Variants in RUNDC3B observed in about 807,000 individuals in gnomAD.
The protein encoded by RUNDC3B is RUN domain containing 3B, also known as RUN domain-containing protein 3B.
In RUNDC3B, 33 loss-of-function variants were observed where a neutral mutation model predicts 58.4. The observed-to-expected ratio is 0.56, with a 90% confidence interval of 0.43 to 0.75. The LOEUF is 0.75. Among genes scored for constraint, RUNDC3B ranks in the 30% least tolerant of loss-of-function variants. The probability of loss-of-function intolerance (pLI) is 0.00; values close to 1 mark genes in which losing one functional copy is unlikely to be tolerated. For synonymous variants in RUNDC3B, 193 were observed against 195.2 expected (o/e 0.99, Z 0.10); for missense variants, 501 against 535.7 (o/e 0.94, Z 0.64).
intron 10 of RUNDC3B, among the ~76,000 whole-genome samples, chr7:87,821,144 T>C (rs1283962879): frequency 3.3e-5 from 5 of 151,686 alleles, no homozygotes; most frequent in East Asian, 3.9e-4. Flanking sequence ...GAAAACCCCA[T>C]TGTCTCAGCC....
intron 8 of RUNDC3B, among the ~76,000 whole-genome samples, chr7:87,796,984 A>G (rs538549255): frequency 4.8e-4 from 73 of 152,210 alleles, no homozygotes; most frequent in Non-Finnish European, 9.6e-4. Context: ...ATTAGTCTAA[A>G]AGCTAATTTG....
At position 87,734,662 on chromosome 7, in the gene RUNDC3B, T is replaced by C. The variant is rs149622112; in HGVS notation, c.459-5129T>C. Among the ~76,000 whole-genome samples, 757 of 152,332 alleles carry C rather than the reference T, an allele frequency of 5.0e-3. 7 individuals carry two copies. The highest frequency in any genetic ancestry group is 0.017 in the African/African-American group (725 of 41,582). The stretch of plus-strand genomic sequence containing the variant: ...TCACACTGTCATCATTTTCTTACTT[T>C]AGAGTCACTCTCTTACCCACTCTTG... On this transcript the variant is annotated intron_variant, in intron 4 of 10. Coordinates refer to ENST00000394654, the MANE Select transcript of RUNDC3B (RefSeq NM_001134405.2).
chr7:87,726,264 G>C (rs369151635), intron 4 of RUNDC3B, among the ~76,000 whole-genome samples: 1 of 151,964 alleles, frequency 6.6e-6, no homozygotes, highest in Non-Finnish European at 1.5e-5. Flanking sequence ...GAATTAATTT[G>C]TGTATAAGGT....
chr7:87,705,211 G>T (rs1031254224), intron 3 of RUNDC3B, among the ~76,000 whole-genome samples: 5 of 152,084 alleles, frequency 3.3e-5, no homozygotes, highest in African/African-American at 1.2e-4. Flanking sequence ...GATCACCTGA[G>T]GTCAGCAGTT....
chr7:87,711,640 A>G (rs1319307015), intron 4 of RUNDC3B, among the ~76,000 whole-genome samples: 3 of 152,176 alleles, frequency 2.0e-5, no homozygotes, highest in African/African-American at 7.2e-5. Flanking sequence ...TAAACTGTTT[A>G]ATGTAGCCAC....
At chr7:87,732,693 A>G (rs1443381433) in intron 4 of RUNDC3B, among the ~76,000 whole-genome samples, 1 of 152,156 alleles carries the variant, frequency 6.6e-6, no homozygotes, top group African/African-American at 2.4e-5. Context: ...TAGATATACC[A>G]GCATTTATTA....
chr7:87,806,405 G>T (rs1464979331), intron 8 of RUNDC3B, among the ~76,000 whole-genome samples: 3 of 152,118 alleles, frequency 2.0e-5, no homozygotes, highest in Non-Finnish European at 4.4e-5. Flanking sequence ...GAAGTTAGTG[G>T]CAGGCACATA....
At chr7:87,766,917 T>C (rs1834005654) in intron 6 of RUNDC3B, among the ~76,000 whole-genome samples, 1 of 152,184 alleles carries the variant, frequency 6.6e-6, no homozygotes, top group Non-Finnish European at 1.5e-5. Flanking sequence ...TAATCTAATG[T>C]TTCTTGAAGG....
chr7:87,825,848 T>C (rs1012514119), intron 10 of RUNDC3B, among the ~76,000 whole-genome samples: 8 of 152,210 alleles, frequency 5.3e-5, no homozygotes, highest in African/African-American at 1.4e-4. Flanking sequence ...TTCTGGACTT[T>C]CTTGGGGTAT....
At chr7:87,800,449 C>T (rs1459815103) in intron 8 of RUNDC3B, among the ~76,000 whole-genome samples, 1 of 152,156 alleles carries the variant, frequency 6.6e-6, no homozygotes, top group African/African-American at 2.4e-5. Flanking sequence ...AATAGTGCTA[C>T]AGTGGACATA....
At chr7:87,745,309 T>C (rs1330924331) in intron 6 of RUNDC3B, among the ~76,000 whole-genome samples, 1 of 152,190 alleles carries the variant, frequency 6.6e-6, no homozygotes, top group African/African-American at 2.4e-5. Flanking sequence ...CTGGTTTTGG[T>C]ATGAGGGTGA....
chr7:87,794,838 G>A (rs1396165428), intron 8 of RUNDC3B, among the ~76,000 whole-genome samples: 2 of 152,180 alleles, frequency 1.3e-5, no homozygotes, highest in Non-Finnish European at 2.9e-5. Context: ...CATACCTACA[G>A]TGATCTATTT....
At chr7:87,629,962 C>G (rs918031000) in intron 1 of RUNDC3B, among the ~76,000 whole-genome samples, 5 of 151,210 alleles carry the variant, frequency 3.3e-5, no homozygotes, top group African/African-American at 1.2e-4. Flanking sequence ...GCCTAGTATT[C>G]AGAGATAACT....
At chr7:87,726,634 C>G (rs1239871036) in intron 4 of RUNDC3B, among the ~76,000 whole-genome samples, 1 of 152,078 alleles carries the variant, frequency 6.6e-6, no homozygotes, top group African/African-American at 2.4e-5. Context: ...TGAAGAAAGT[C>G]ATTGGTAGCT....
intron 2 of RUNDC3B, among the ~76,000 whole-genome samples, chr7:87,672,430 C>T (rs777442898): frequency 2.6e-5 from 4 of 152,134 alleles, no homozygotes; most frequent in Admixed American, 2.0e-4. Context: ...GTGCTGCTAC[C>T]GGTGGCTGGG....
chr7:87,707,156 A>G, intron 3 of RUNDC3B, among the ~76,000 whole-genome samples: 1 of 152,174 alleles, frequency 6.6e-6, no homozygotes. Flanking sequence ...CAGAGTTGCT[A>G]TAAATTTTCA....
chr7:87,660,771 T>C (rs1313274779), intron 2 of RUNDC3B, among the ~76,000 whole-genome samples: 1 of 151,994 alleles, frequency 6.6e-6, no homozygotes, highest in East Asian at 1.9e-4. Flanking sequence ...ATATTTTCAT[T>C]AATACTCATT....
intron 7 of RUNDC3B, among the ~76,000 whole-genome samples, chr7:87,774,438 A>T (rs1004301764): frequency 6.6e-6 from 1 of 152,120 alleles, no homozygotes; most frequent in Non-Finnish European, 1.5e-5. Context: ...AAACCAAGAG[A>T]TAATTATTTG....
chr7:87,655,338 G>A (rs1823988760), intron 2 of RUNDC3B, among the ~76,000 whole-genome samples: 1 of 151,968 alleles, frequency 6.6e-6, no homozygotes, highest in East Asian at 1.9e-4. Flanking sequence ...ATCTACTGAT[G>A]AGTCGATAAA....
Sources: allele counts gnomAD v4.1 joint callset (sites outside exome capture counted in the v4.1 genomes callset), GRCh38; gene constraint gnomAD v4.1.1; transcripts MANE v1.5; gene names NCBI Gene and HGNC (gene_info 2026-07-23, HGNC 2026-07-21).